CCDC80: variants seen among roughly 807,000 people sequenced by gnomAD.
The protein encoded by CCDC80 is coiled-coil domain containing 80.
Under a neutral mutation model 78.7 loss-of-function variants are expected in CCDC80, and 49 were observed. The observed-to-expected ratio is 0.62, with a 90% CI of 0.50 to 0.79. CCDC80 has a LOEUF of 0.79. Ranked by LOEUF, CCDC80 falls within the 30% of genes least tolerant of loss-of-function variation. The pLI, the probability that CCDC80 is intolerant of heterozygous loss-of-function variation, is 0.00. For missense variants in CCDC80, 1,205 were observed against 1,198.6 expected (o/e 1.01, Z -0.08); for synonymous variants, 488 against 447.0 (o/e 1.09, Z -1.16).
At chr3:112,607,693 G>A (rs1333899146) in intron 6 of CCDC80, among the ~76,000 whole-genome samples, 2 of 152,186 alleles carry the variant, frequency 1.3e-5, no homozygotes, top group Non-Finnish European at 2.9e-5. Flanking sequence ...GGGTGAGACA[G>A]GAGAATCACT....
intron 5 of CCDC80, among the ~76,000 whole-genome samples, chr3:112,614,175 C>A (rs188925417): frequency 6.6e-6 from 1 of 151,940 alleles, no homozygotes; most frequent in Non-Finnish European, 1.5e-5. Context: ...ATAATGCCTA[C>A]GTGAAATGAT....
In CCDC80 at chr3:112,638,505, G is replaced by A. The variant is rs760782964; in HGVS notation, c.1401C>T (p.Arg467=). 21 of 1,613,928 alleles carry A rather than the reference G, an allele frequency of 1.3e-5. No individual in the cohort carries two copies. Among genetic ancestry groups the A allele is most frequent in the Middle Eastern group, 3.3e-4 (2 of 6,084 alleles). The change falls in exon 2 of 8, where the codon CGC becomes CGT. Residue 467 remains arginine, a synonymous_variant. Transcript: ENST00000206423. ...AAGPGRFRDN[R]MDRREHGHRD... The stretch of plus-strand genomic sequence containing the variant: ...GGTGGCCATGTTCCCGCCTGTCCAT[G>A]CGGTTGTCCCGGAAACGGCCTGGGC...
chr3:112,613,295 A>G (rs1382471502), intron 5 of CCDC80, among the ~76,000 whole-genome samples: 2 of 152,180 alleles, frequency 1.3e-5, no homozygotes, highest in Non-Finnish European at 2.9e-5. Context: ...TTTATGAGTT[A>G]TGACTACAAA....
chr3:112,638,488 T>C lies in CCDC80; in HGVS notation c.1418A>G (p.His473Arg), dbSNP rs137969304. The change falls in exon 2 of 8, where the codon CAT (histidine) becomes CGT (arginine). Residue 473 changes from histidine (H) to arginine (R), a missense_variant. Transcript: ENST00000206423. ...FRDNRMDRREHGHRDPNVVPG... is the reference protein window; with the variant it reads ...FRDNRMDRRERGHRDPNVVPG... ...CACCACATTTGGGTCTCGGTGGCCA[T>C]GTTCCCGCCTGTCCATGCGGTTGTC... 2.8e-5 allele frequency: 45 copies of C among 1,611,364 alleles called. No homozygotes were observed. Among genetic ancestry groups the C allele is most frequent in the East Asian group, 1.6e-4 (7 of 44,716 alleles).
chr3:112,613,123 T>C (rs1935665256), intron 5 of CCDC80, among the ~76,000 whole-genome samples: 1 of 152,090 alleles, frequency 6.6e-6, no homozygotes, highest in South Asian at 2.1e-4. Flanking sequence ...ATTTTGCAAA[T>C]GAGAAAACTG....
chr3:112,616,008 T>G (rs1341938880), intron 5 of CCDC80, among the ~76,000 whole-genome samples: 1 of 152,264 alleles, frequency 6.6e-6, no homozygotes, highest in Non-Finnish European at 1.5e-5. Flanking sequence ...CACTTTGCAC[T>G]GCAGATTTGT....
At position 112,630,258 on chromosome 3, in the gene CCDC80, A is replaced by G. The variant is rs770473994; in HGVS notation, c.1890T>C (p.Ala630=). Residue 630 remains alanine (A), a synonymous_variant, in exon 3 of 8, where the codon GCT becomes GCC. Coordinates refer to ENST00000206423, the MANE Select transcript of CCDC80 (RefSeq NM_199511.3). ...EGKRRLLLIT[A]PKAENNMYVQ... The stretch of plus-strand genomic sequence containing the variant: ...CATACATATTGTTCTCAGCCTTGGG[A>G]GCAGTGATCAGCTGGAGGTGGGTGA... 1 of 1,613,716 alleles carries G rather than the reference A, an allele frequency of 6.2e-7. No individual in the cohort carries two copies. The highest frequency in any genetic ancestry group is 8.5e-7 in the Non-Finnish European group (1 of 1,179,740).
rs763639505 is a variant in CCDC80 at position 112,639,541 on chromosome 3, C to T, written c.365G>A (p.Gly122Glu). ...CAACATTCTTGACCGAGCTGAGGAC[C>T]CCTCATCTCTGATCATCTCACGCGG... ...GSPREMIRDEGSSARSRMLRF... is the reference protein window; with the variant it reads ...GSPREMIRDEESSARSRMLRF... Residue 122 changes from glycine (G) to glutamate (E), a missense_variant, in exon 2 of 8, where the codon GGG becomes GAG. By Grantham distance (98) the Gly-to-Glu change is moderately conservative. Transcript: ENST00000206423. The T allele has an allele frequency of 6.2e-7, 1 of 1,614,100 alleles. No individual in the cohort carries two copies. Among genetic ancestry groups the T allele is most frequent in the Non-Finnish European group, 8.5e-7 (1 of 1,180,022 alleles).
intron 3 of CCDC80, among the ~76,000 whole-genome samples, chr3:112,619,684 A>ACTTTAAATGT (rs1337447450): frequency 9.2e-5 from 14 of 152,250 alleles, no homozygotes; most frequent in Non-Finnish European, 2.9e-5. Context: ...AAGTGAACAC[A>ACTTTAAATGT]GTTTAAAACA....
chr3:112,630,240 A>T lies in CCDC80; in HGVS notation c.1908T>A (p.Asn636Lys), dbSNP rs1936071108. 6.2e-7 allele frequency: 1 copy of T among 1,613,868 alleles called. No individual in the cohort carries two copies. The highest frequency in any genetic ancestry group is 8.5e-7 in the Non-Finnish European group (1 of 1,179,812). The change falls in exon 3 of 8, where the codon AAT becomes AAA. Residue 636 changes from asparagine (N) to lysine (K), a missense_variant. Physicochemically the swap from Asn to Lys is moderately conservative, Grantham distance 94. Coordinates refer to ENST00000206423, the MANE Select transcript of CCDC80 (RefSeq NM_199511.3). ...ATTCATCACGTTGTTGCACATACAT[A>T]TTGTTCTCAGCCTTGGGAGCAGTGA... ...LLITAPKAEN[N>K]MYVQQRDEYL...
chr3:112,608,894 A>G (rs942340860), intron 6 of CCDC80, among the ~76,000 whole-genome samples: 1 of 152,208 alleles, frequency 6.6e-6, no homozygotes, highest in African/African-American at 2.4e-5. Flanking sequence ...TAATTTACAC[A>G]TACTAGGTCA....
In CCDC80 at chr3:112,599,556, G is replaced by A. The variant is rs1264520593; in HGVS notation, c.*5861C>T. The A allele has an allele frequency of 6.6e-6, 1 of 152,390 alleles. No individual in the cohort carries two copies. Among genetic ancestry groups the A allele is most frequent in the Non-Finnish European group, 1.5e-5 (1 of 68,232 alleles). 9.4% of individuals were successfully genotyped at this position (152,390 alleles called of 1,614,324 possible). A position where few individuals can be genotyped will look rare whatever the true frequency, so the allele number is the denominator to read the frequency against. On this transcript the variant is annotated 3_prime_UTR_variant, in exon 8 of 8. Coordinates refer to ENST00000206423, the MANE Select transcript of CCDC80 (RefSeq NM_199511.3). ...CAGGGAGCGAAACGAACAGAGAAAC[G>A]AACAGAGGTTTTTTCCAAGGGCCTT...
chr3:112,633,530 G>A (rs1936141486), intron 2 of CCDC80, among the ~76,000 whole-genome samples: 1 of 152,156 alleles, frequency 6.6e-6, no homozygotes. Context: ...TGCAGATGGT[G>A]GGGGCATAAA....
intron 2 of CCDC80, among the ~76,000 whole-genome samples, chr3:112,634,201 G>A (rs1180103536): frequency 2.0e-5 from 3 of 152,118 alleles, no homozygotes; most frequent in Non-Finnish European, 4.4e-5. Context: ...AGTACAGCAG[G>A]AAACCTTAAA....
intron 3 of CCDC80, among the ~76,000 whole-genome samples, chr3:112,629,238 T>G (rs1936044351): frequency 6.6e-6 from 1 of 151,906 alleles, no homozygotes; most frequent in African/African-American, 2.4e-5. Flanking sequence ...ACGGAAACTA[T>G]GCAGAATATG....
chr3:112,624,730 C>A (rs1028475457), intron 3 of CCDC80, among the ~76,000 whole-genome samples: 3 of 151,942 alleles, frequency 2.0e-5, no homozygotes, highest in African/African-American at 7.3e-5. Flanking sequence ...AGATTGACTC[C>A]ATCAAATCTT....
chr3:112,639,101 T>C lies in CCDC80; in HGVS notation c.805A>G (p.Ile269Val), dbSNP rs563401702. Residue 269 changes from isoleucine (I) to valine (V), a missense_variant, in exon 2 of 8, where the codon ATC (isoleucine) becomes GTC (valine). Physicochemically the swap from Ile to Val is conservative, Grantham distance 29 (BLOSUM62 3). Coordinates refer to ENST00000206423, the MANE Select transcript of CCDC80 (RefSeq NM_199511.3). ...AAGCCCTTCTGCCTGATCTTCTCGA[T>C]CCTACGGATGGGGCCTTGGTCGATG... is the stretch of plus-strand genomic sequence containing the variant. ...EVIDQGPIRR[I>V]EKIRQKGFVQ... is the part of the protein sequence containing the mutation. The C allele has an allele frequency of 1.2e-6, 2 of 1,614,060 alleles. No homozygotes were observed. The highest frequency in any genetic ancestry group is 1.7e-6 in the Non-Finnish European group (2 of 1,180,004).
intron 3 of CCDC80, among the ~76,000 whole-genome samples, chr3:112,623,638 T>A (rs1935910647): frequency 6.6e-6 from 1 of 152,156 alleles, no homozygotes; most frequent in African/African-American, 2.4e-5. Flanking sequence ...GGGTAGTTGT[T>A]ATACACTCTA....
At chr3:112,610,911 CTTTCT>C (rs1279240109) in intron 5 of CCDC80, among the ~76,000 whole-genome samples, 2 of 109,214 alleles carry the variant, frequency 1.8e-5, no homozygotes, top group African/African-American at 8.3e-5. Context: ...TCTTTTCTTT[CTTTCT>C]TTTTTTTTTT....
Sources: allele counts gnomAD v4.1 joint callset (sites outside exome capture counted in the v4.1 genomes callset), GRCh38; gene constraint gnomAD v4.1.1; transcripts MANE v1.5; gene names NCBI Gene and HGNC (gene_info 2026-07-23, HGNC 2026-07-21).